Variants in NLRP13 observed in about 807,000 individuals in gnomAD.
NLRP13 encodes NACHT, LRR and PYD domains-containing protein 13.
In NLRP13, 82 loss-of-function variants were observed where a neutral mutation model predicts 94.4. The ratio of observed to expected loss-of-function variants is 0.87; its 90% confidence interval spans 0.73 to 1.04. The LOEUF (loss-of-function observed/expected upper bound fraction) is 1.04, where lower values mean the gene tolerates loss of function less well. NLRP13 is among the 50% of genes least tolerant of loss of function. The probability of loss-of-function intolerance (pLI) is 0.00; values close to 1 mark genes in which losing one functional copy is unlikely to be tolerated. For synonymous variants in NLRP13, 553 were observed against 464.7 expected, an observed-to-expected ratio of 1.19 and a Z score of -2.45; for missense variants, 1,426 against 1,230.8, an observed-to-expected ratio of 1.16 and a Z score of -2.37.
intron 1 of NLRP13, among the ~76,000 whole-genome samples, chr19:55,928,084 G>C (rs1987014359): frequency 6.6e-6 from 1 of 152,192 alleles, no homozygotes; most frequent in South Asian, 2.1e-4. Flanking sequence ...CCCCTGCATG[G>C]CTGGTGAGGT....
chr19:55,891,693 T>A (rs1018042701), downstream of NLRP13: 2 of 175,102 alleles, frequency 1.1e-5, no homozygotes, highest in Admixed American at 1.3e-4. Context: ...CCTGAGGTAT[T>A]TTTATATGCT....
At chr19:55,892,255 A>C (rs1403442210), downstream of NLRP13, 2 of 536,772 alleles carry the variant, frequency 3.7e-6, no homozygotes, top group Admixed American at 4.4e-5. Context: ...TGGTGTGTGA[A>C]TGATCCCATC....
chr19:55,892,140 T>C (rs946971851), downstream of NLRP13: 7 of 1,231,632 alleles, frequency 5.7e-6, no homozygotes, highest in Admixed American at 3.0e-4. Context: ...TAAGAAGTAC[T>C]GAAGTTTAGA....
chr19:55,911,971 A>C lies in NLRP13; in HGVS notation c.1846T>G (p.Leu616Val). Residue 616 changes from leucine to valine, a missense_variant, in exon 5 of 11, where the codon TTA (leucine) becomes GTA (valine). Coordinates refer to ENST00000342929, the MANE Select transcript of NLRP13 (RefSeq NM_176810.2). Reference sequence around the variant, plus strand: ...CCTAACTCTTCTCCCCACTTTAATAATTCCTCCATTACCCTGGGAGATATT... The same window carrying C: ...CCTAACTCTTCTCCCCACTTTAATACTTCCTCCATTACCCTGGGAGATATT... ...CKISPRVMEE[L>V]LKWGEELGKA... The C allele has an allele frequency of 1.2e-6, 2 of 1,614,208 alleles. No individual in the cohort carries two copies. Among genetic ancestry groups the C allele is most frequent in the Non-Finnish European group, 1.7e-6 (2 of 1,180,030 alleles).
At chr19:55,917,186 C>T (rs1189489431) in intron 4 of NLRP13, among the ~76,000 whole-genome samples, 1 of 152,086 alleles carries the variant, frequency 6.6e-6, no homozygotes, top group Non-Finnish European at 1.5e-5. Flanking sequence ...TTTGTCACTA[C>T]TAGACTTGTA....
At chr19:55,929,539 A>G (rs1389196611) in intron 1 of NLRP13, among the ~76,000 whole-genome samples, 1 of 152,090 alleles carries the variant, frequency 6.6e-6, no homozygotes, top group African/African-American at 2.4e-5. Context: ...AAAACCAAAC[A>G]CCGCATGTTC....
chr19:55,905,887 C>A (rs913863924), intron 7 of NLRP13, among the ~76,000 whole-genome samples: 15 of 152,156 alleles, frequency 9.9e-5, no homozygotes, highest in African/African-American at 2.9e-4. Context: ...CAAATCATCC[C>A]CAGTTTCAAC....
At chr19:55,909,346 G>A (rs1252318101) in intron 6 of NLRP13, among the ~76,000 whole-genome samples, 5 of 152,108 alleles carry the variant, frequency 3.3e-5, no homozygotes, top group African/African-American at 9.7e-5. Context: ...CTCCAGAGAG[G>A]ACCCTCCCCC....
chr19:55,922,997 T>C (rs995372169), intron 4 of NLRP13, among the ~76,000 whole-genome samples: 7 of 152,250 alleles, frequency 4.6e-5, no homozygotes, highest in African/African-American at 1.4e-4. Flanking sequence ...ACAAGCTCTA[T>C]GTCCCTGTGA....
At chr19:55,928,322 G>A (rs1045685428) in intron 1 of NLRP13, among the ~76,000 whole-genome samples, 5 of 152,166 alleles carry the variant, frequency 3.3e-5, no homozygotes, top group Non-Finnish European at 7.3e-5. Flanking sequence ...ACCCTGATGT[G>A]GTTATGACGC....
chr19:55,929,605 T>C (rs1054408935), intron 1 of NLRP13, among the ~76,000 whole-genome samples: 2 of 152,108 alleles, frequency 1.3e-5, no homozygotes, highest in South Asian at 2.1e-4. Flanking sequence ...GAGGGGAACA[T>C]CACCCACTGG....
chr19:55,907,350 T>C (rs1375783730), intron 7 of NLRP13, among the ~76,000 whole-genome samples: 3 of 152,112 alleles, frequency 2.0e-5, no homozygotes, highest in East Asian at 3.9e-4. Context: ...GGCAAGCAGA[T>C]TGCTTGAGTC....
intron 1 of NLRP13, among the ~76,000 whole-genome samples, chr19:55,931,491 G>A (rs1366882946): frequency 6.6e-6 from 1 of 151,620 alleles, no homozygotes; most frequent in Non-Finnish European, 1.5e-5. Context: ...AGCAGATCAC[G>A]AGGTCAGGAG....
chr19:55,928,171 C>G (rs534133224), intron 1 of NLRP13, among the ~76,000 whole-genome samples: 1 of 152,270 alleles, frequency 6.6e-6, no homozygotes, highest in South Asian at 2.1e-4. Context: ...CAAGTAGGAA[C>G]AAGACAAGGA....
chr19:55,903,140 T>TA (rs1336631350), intron 8 of NLRP13, among the ~76,000 whole-genome samples: 2 of 152,100 alleles, frequency 1.3e-5, no homozygotes, highest in Admixed American at 1.3e-4. Flanking sequence ...ATACTAATTA[T>TA]AATTAGTTAT....
Position 55,931,983 on chromosome 19 carries a change from G to A in NLRP13, c.319+10C>T. On this transcript the variant is annotated intron_variant, in intron 1 of 10. Transcript: ENST00000342929. ...GCAGCCCTCCCGCCTTCCTTCTTGA[G>A]GACTCTCACCTTTCATCTCGGCTCT... is the stretch of plus-strand genomic sequence containing the variant. The A allele has an allele frequency of 6.2e-7, 1 of 1,611,924 alleles. No individual in the cohort carries two copies. Among genetic ancestry groups the A allele is most frequent in the Non-Finnish European group, 8.5e-7 (1 of 1,179,784 alleles).
At chr19:55,929,447 A>G (rs956221926) in intron 1 of NLRP13, among the ~76,000 whole-genome samples, 1 of 150,264 alleles carries the variant, frequency 6.7e-6, no homozygotes, top group Non-Finnish European at 1.5e-5. Flanking sequence ...ATGCAGCCGT[A>G]AAAAAGGATG....
chr19:55,923,441 A>C (rs1986887567), intron 4 of NLRP13, among the ~76,000 whole-genome samples: 1 of 152,206 alleles, frequency 6.6e-6, no homozygotes, highest in Non-Finnish European at 1.5e-5. Flanking sequence ...GTTTATCTGA[A>C]TAGCTTGTTT....
Position 55,923,093 on chromosome 19 carries a change from G to A in NLRP13, c.523+821C>T, listed in dbSNP as rs146204206. 3.6e-3 allele frequency among the ~76,000 whole-genome samples: 545 copies of A among 152,270 alleles called. 20 individuals are homozygous for A. The South Asian group carries it at 0.079, about 22-fold the overall frequency. ...AATGTATGTTTTACTTTCTCAGAGT[G>A]ACAATCTCCATAGGGCCACTGGTAC... On this transcript the variant is annotated intron_variant, in intron 4 of 10. Transcript: ENST00000342929.
Sources: allele counts gnomAD v4.1 joint callset (sites outside exome capture counted in the v4.1 genomes callset), GRCh38; gene constraint gnomAD v4.1.1; transcripts MANE v1.5; gene names NCBI Gene and HGNC (gene_info 2026-07-23, HGNC 2026-07-21).